The following PARP9 variants were observed in gnomAD, a reference collection of about 807,000 sequenced individuals.
PARP9 encodes the protein poly(ADP-ribose) polymerase family member 9, also known as protein mono-ADP-ribosyltransferase PARP9.
Under a neutral mutation model 68.8 loss-of-function variants are expected in PARP9, and 48 were observed. That is an observed-to-expected ratio of 0.70 (90% CI 0.55 to 0.89). PARP9 has a LOEUF of 0.89. Among genes scored for constraint, PARP9 ranks in the 40% least tolerant of loss-of-function variants. The probability of loss-of-function intolerance (pLI) is 0.00; values close to 1 mark genes in which losing one functional copy is unlikely to be tolerated. For missense variants in PARP9, 806 were observed against 969.3 expected (o/e 0.83, Z 2.24); for synonymous variants, 309 against 333.8 (o/e 0.93, Z 0.81).
intron 6 of PARP9, among the ~76,000 whole-genome samples, chr3:122,546,239 A>G (rs1475708158): frequency 6.6e-6 from 1 of 152,236 alleles, no homozygotes. Flanking sequence ...ATTCAGTGGA[A>G]ACTGTACTTG....
chr3:122,539,567 C>CTTTCTTTCTTTCT (rs1347024453), intron 8 of PARP9, among the ~76,000 whole-genome samples: 3 of 86,916 alleles, frequency 3.5e-5, no homozygotes, highest in Non-Finnish European at 7.2e-5. Flanking sequence ...TTCTTTCTTT[C>CTTTCTTTCTTTCT]TTTTTTTTTT....
intron 7 of PARP9, among the ~76,000 whole-genome samples, chr3:122,544,555 G>A (rs548271462): frequency 5.3e-5 from 8 of 152,186 alleles, no homozygotes; most frequent in African/African-American, 9.6e-5. Flanking sequence ...GATGTTATAT[G>A]CCTGTAATCC....
chr3:122,557,469 G>A (rs535821828), intron 3 of PARP9, among the ~76,000 whole-genome samples: 5 of 152,340 alleles, frequency 3.3e-5, no homozygotes, highest in East Asian at 1.9e-4. Context: ...ATCTCCCTGC[G>A]ATTGGCTATG....
chr3:122,562,901 A>G (rs776090722), intron 1 of PARP9, among the ~76,000 whole-genome samples: 1 of 152,214 alleles, frequency 6.6e-6, no homozygotes, highest in Non-Finnish European at 1.5e-5. Flanking sequence ...TGTAAAGAAC[A>G]TCTTTGTACA....
At position 122,556,140 on chromosome 3, in the gene PARP9, T is replaced by TTAAAA. The variant is rs2079621793; in HGVS notation, c.50-24_50-20dup. 1 of 92,766 alleles carries TTAAAA rather than the reference T, an allele frequency of 1.1e-5. No homozygotes were observed. Among genetic ancestry groups the TTAAAA allele is most frequent in the Non-Finnish European group, 1.7e-5 (1 of 57,576 alleles). The allele number at this position is 92,766 out of a possible 1,614,324, so 5.7% of individuals were successfully genotyped here. On this transcript the variant is annotated intron_variant, in intron 3 of 10. Transcript: ENST00000682323. Reference sequence around the variant, plus strand: ...CCAGTCTCTGGAAAAGAAGAGAAGATTAAAAAAAAAAAAAAAAAAAAAAAA... The same window carrying TTAAAA: ...CCAGTCTCTGGAAAAGAAGAGAAGATTAAAATAAAAAAAAAAAAAAAAAAAAAAAA...
intron 10 of PARP9, among the ~76,000 whole-genome samples, chr3:122,531,349 G>C (rs1012207861): frequency 6.6e-6 from 1 of 152,166 alleles, no homozygotes; most frequent in African/African-American, 2.4e-5. Context: ...TTTCTTTCCC[G>C]GGAGTTTCTT....
rs896536287 is a variant in PARP9 at position 122,552,525 on chromosome 3, C to T, written c.1000G>A (p.Ala334Thr). The change falls in exon 5 of 11, where the codon GCT becomes ACT. Residue 334 changes from alanine (A) to threonine (T), a missense_variant. Transcript: ENST00000682323. ...AACTGGGACCGTTGAAACTGTTTAG[C>T]CTTTGTGGCAAGAAATTCCGATTTC... ...EMKSEFLATK[A>T]KQFQRSQLVL... 4 of 1,614,046 alleles carry T rather than the reference C, an allele frequency of 2.5e-6. No individual in the cohort carries two copies. Among genetic ancestry groups the T allele is most frequent in the Non-Finnish European group, 3.4e-6 (4 of 1,179,990 alleles).
chr3:122,544,372 A>C (rs1022574313), intron 7 of PARP9, among the ~76,000 whole-genome samples: 1 of 152,214 alleles, frequency 6.6e-6, no homozygotes, highest in Non-Finnish European at 1.5e-5. Flanking sequence ...TTTTACATAC[A>C]TAATCTATTA....
rs143155766 is a variant in PARP9 at position 122,540,585 on chromosome 3, A to G, written c.1652T>C (p.Ile551Thr). Reference sequence around the variant, plus strand: ...AATGAGGTCAGCCCGGGCTCCTTCAATCTCTAACTCTGTCCTTCCTGGGCT... The same window carrying G: ...AATGAGGTCAGCCCGGGCTCCTTCAGTCTCTAACTCTGTCCTTCCTGGGCT... ...IISPGRTELE[I>T]EGARADLIEV... Residue 551 changes from isoleucine (I) to threonine (T), a missense_variant, in exon 8 of 11, where the codon ATT (isoleucine) becomes ACT (threonine). Transcript: ENST00000682323. The G allele has an allele frequency of 2.0e-4, 320 of 1,614,076 alleles. No individual in the cohort carries two copies. In the African/African-American group the frequency reaches 2.7e-3, roughly 14 times the overall value.
Position 122,556,221 on chromosome 3 carries a change from T to C in PARP9, c.50-100A>G, listed in dbSNP as rs923893511. ...CCCACTTCATACCAGGAGACTGTGT[T>C]TCCTATGTGCAAAAGAGAGATGAAC... On this transcript the variant is annotated intron_variant, in intron 3 of 10. Transcript: ENST00000682323. The C allele has an allele frequency of 1.0e-5, 8 of 791,542 alleles. No homozygotes were observed. In the African/African-American group the frequency reaches 1.4e-4, roughly 14 times the overall value. 49.0% of individuals were successfully genotyped at this position (791,542 alleles called of 1,614,324 possible).
intron 10 of PARP9, 162 bp downstream of exon 10, chr3:122,536,004 CTT>C (rs2077611914): frequency 1.2e-5 from 18 of 1,514,330 alleles, no homozygotes; most frequent in Non-Finnish European, 1.4e-5. Context: ...AAATACCACT[CTT>C]TCCAAAATAC....
intron 4 of PARP9, among the ~76,000 whole-genome samples, chr3:122,553,492 T>C (rs2079383844): frequency 2.0e-5 from 3 of 152,228 alleles, no homozygotes; most frequent in African/African-American, 7.2e-5. Context: ...CCTTTAAAAA[T>C]TGTAATGTTC....
At chr3:122,564,399 C>T (rs746821453), upstream of PARP9, 3 of 1,587,718 alleles carry the variant, frequency 1.9e-6, no homozygotes, top group Non-Finnish European at 2.6e-6. Context: ...CCTCCCGGAG[C>T]CCCCGCGCCC....
chr3:122,548,873 G>T (rs2078968621), intron 6 of PARP9, among the ~76,000 whole-genome samples: 1 of 152,176 alleles, frequency 6.6e-6, no homozygotes, highest in Non-Finnish European at 1.5e-5. Flanking sequence ...TGCTGTTAAA[G>T]AAATTGGAAA....
intron 7 of PARP9, 132 bp downstream of exon 7, chr3:122,545,300 C>T (rs2078615922): frequency 1.2e-6 from 1 of 852,550 alleles, no homozygotes; most frequent in Non-Finnish European, 1.9e-6. Flanking sequence ...AGGCAGGTAT[C>T]CAAGCAGGAC....
intron 8 of PARP9, among the ~76,000 whole-genome samples, chr3:122,539,507 A>ATTTATTTCTTTCTTTCTTTC (rs1553714535): frequency 8.3e-5 from 11 of 133,162 alleles, no homozygotes; most frequent in African/African-American, 2.9e-4. Flanking sequence ...CCAAGATGGC[A>ATTTATTTCTTTCTTTCTTTC]TTTCTTTCTT....
intron 6 of PARP9, 175 bp from the exon 7 acceptor site, chr3:122,545,664 A>T (rs1048018200): frequency 3.3e-6 from 2 of 601,446 alleles, no homozygotes; most frequent in African/African-American, 3.7e-5. Flanking sequence ...ACCTCAGTCT[A>T]TTAGAACACG....
At chr3:122,563,061 T>C (rs973624225) in intron 1 of PARP9, among the ~76,000 whole-genome samples, 3 of 152,198 alleles carry the variant, frequency 2.0e-5, no homozygotes, top group African/African-American at 4.8e-5. Flanking sequence ...TTACCAGCCA[T>C]GTGCAAAAAC....
At chr3:122,547,013 T>TATACAC (rs1491341009) in intron 6 of PARP9, among the ~76,000 whole-genome samples, 2 of 61,410 alleles carry the variant, frequency 3.3e-5, no homozygotes, top group South Asian at 5.2e-4. Context: ...TATATATATA[T>TATACAC]ACACACACAC....
Sources: allele counts gnomAD v4.1 joint callset (sites outside exome capture counted in the v4.1 genomes callset), GRCh38; gene constraint gnomAD v4.1.1; transcripts MANE v1.5; gene names NCBI Gene and HGNC (gene_info 2026-07-23, HGNC 2026-07-21).